Variants in PABPC4L observed in about 807,000 individuals in gnomAD.
PABPC4L encodes the protein poly(A) binding protein cytoplasmic 4 like.
For synonymous variants in PABPC4L, 169 were observed against 164.1 expected (o/e 1.03, Z -0.23); for missense variants, 452 against 451.4 (o/e 1.00, Z -0.01).
chr4:133,975,507 T>A, the PABPC4L span, among the ~76,000 whole-genome samples: 1 of 152,146 alleles, frequency 6.6e-6, no homozygotes, highest in Admixed American at 6.6e-5. Flanking sequence ...TCAATAAATT[T>A]GCTATAATAA....
chr4:134,138,618 T>C, the PABPC4L span, among the ~76,000 whole-genome samples: 1 of 151,794 alleles, frequency 6.6e-6, no homozygotes, highest in Non-Finnish European at 1.5e-5. Context: ...TTGTATGTAT[T>C]TTCCAGTGGC....
chr4:134,018,760 T>A, the PABPC4L span, among the ~76,000 whole-genome samples: 1 of 151,990 alleles, frequency 6.6e-6, no homozygotes, highest in East Asian at 1.9e-4. Flanking sequence ...TAAGAAAAAA[T>A]TTTCTCCATA....
At chr4:133,990,181 A>G in the PABPC4L span, among the ~76,000 whole-genome samples, 1 of 152,152 alleles carries the variant, frequency 6.6e-6, no homozygotes, top group African/African-American at 2.4e-5. Context: ...GATTTTTTAT[A>G]AAATAAAGTT....
the PABPC4L span, among the ~76,000 whole-genome samples, chr4:134,092,350 C>G: frequency 6.6e-6 from 1 of 151,968 alleles, no homozygotes; most frequent in Non-Finnish European, 1.5e-5. Context: ...GCTGGACATT[C>G]AGAGAGGAGT....
the PABPC4L span, among the ~76,000 whole-genome samples, chr4:133,960,328 G>A: frequency 1.3e-5 from 2 of 152,122 alleles, no homozygotes; most frequent in Non-Finnish European, 2.9e-5. Context: ...TGTCTGGCTT[G>A]CAGCACAAGA....
chr4:133,979,936 A>G, the PABPC4L span, among the ~76,000 whole-genome samples: 3 of 152,210 alleles, frequency 2.0e-5, no homozygotes, highest in Admixed American at 2.0e-4. Context: ...CCATTATTCA[A>G]GTGTTATATG....
the PABPC4L span, among the ~76,000 whole-genome samples, chr4:134,126,646 A>AT: frequency 6.6e-6 from 1 of 151,902 alleles, no homozygotes; most frequent in East Asian, 1.9e-4. Context: ...CCAAATTGTA[A>AT]TTTTTTATTT....
At chr4:134,189,567 A>ATG in the PABPC4L span, among the ~76,000 whole-genome samples, 1,006 of 151,502 alleles carry the variant, frequency 6.6e-3, 15 homozygotes, top group Admixed American at 0.012. Flanking sequence ...CACATATATA[A>ATG]TGTGTGTGTG....
the PABPC4L span, among the ~76,000 whole-genome samples, chr4:134,141,990 C>T: frequency 1.3e-5 from 2 of 151,502 alleles, no homozygotes; most frequent in African/African-American, 2.4e-5. Flanking sequence ...CGACTGCCTT[C>T]GTAAAAGCAA....
At chr4:134,002,760 C>G in the PABPC4L span, among the ~76,000 whole-genome samples, 1 of 151,912 alleles carries the variant, frequency 6.6e-6, no homozygotes, top group Non-Finnish European at 1.5e-5. Flanking sequence ...TGCAATTACA[C>G]AACAAGAGAA....
chr4:134,120,142 A>T, the PABPC4L span, among the ~76,000 whole-genome samples: 1 of 151,544 alleles, frequency 6.6e-6, no homozygotes, highest in Non-Finnish European at 1.5e-5. Context: ...ATAAACTATC[A>T]GTTAATACTG....
At position 134,200,652 on chromosome 4, in the gene PABPC4L, T is replaced by G. The variant is rs1308933344; in HGVS notation, c.368A>C (p.Lys123Thr). 2 of 1,551,560 alleles carry G rather than the reference T, an allele frequency of 1.3e-6. No homozygotes were observed. Among genetic ancestry groups the G allele is most frequent in the African/African-American group, 1.4e-5 (1 of 73,058 alleles). ...TLYEHFSAFGKILSSKVMSDD... is the reference protein window; with the variant it reads ...TLYEHFSAFGTILSSKVMSDD... The stretch of plus-strand genomic sequence containing the variant: ...ACTCATCACCTTGGAGGAAAGGATC[T>G]TTCCAAAAGCTGAAAAATGTTCATA... The change falls in exon 2 of 2, where the codon AAG (lysine) becomes ACG (threonine). Residue 123 changes from lysine (K) to threonine (T), a missense_variant. Lys to Thr is a moderately conservative substitution (Grantham distance 78, BLOSUM62 -1). Coordinates refer to ENST00000421491, the MANE Select transcript of PABPC4L (RefSeq NM_001114734.2).
At chr4:133,980,739 C>T in the PABPC4L span, among the ~76,000 whole-genome samples, 1 of 152,262 alleles carries the variant, frequency 6.6e-6, no homozygotes, top group East Asian at 1.9e-4. Flanking sequence ...AAATTTTCCA[C>T]TCTTATGAAG....
the PABPC4L span, among the ~76,000 whole-genome samples, chr4:134,006,299 T>C: frequency 6.6e-6 from 1 of 151,896 alleles, no homozygotes; most frequent in Non-Finnish European, 1.5e-5. Flanking sequence ...ATATATGTAG[T>C]TACATCACAT....
At chr4:134,037,263 CT>C in the PABPC4L span, among the ~76,000 whole-genome samples, 1 of 151,916 alleles carries the variant, frequency 6.6e-6, no homozygotes, top group Non-Finnish European at 1.5e-5. Context: ...GATATTGACC[CT>C]TTACATCCGT....
At chr4:133,961,151 A>G in the PABPC4L span, among the ~76,000 whole-genome samples, 46,339 of 151,946 alleles carry the variant, frequency 0.3, 10,892 homozygotes, top group African/African-American at 0.62. Flanking sequence ...AACCCTCACA[A>G]AGTCCATTTC....
chr4:134,008,537 A>T, the PABPC4L span, among the ~76,000 whole-genome samples: 4 of 151,784 alleles, frequency 2.6e-5, no homozygotes, highest in Non-Finnish European at 5.9e-5. Context: ...AAATTAAATT[A>T]TAGAAAGGGG....
chr4:134,006,112 GT>G, the PABPC4L span, among the ~76,000 whole-genome samples: 7 of 151,728 alleles, frequency 4.6e-5, no homozygotes, highest in Non-Finnish European at 7.4e-5. Flanking sequence ...TTCTTTTTAG[GT>G]CATGGGGATT....
At chr4:134,201,360 G>T (rs1223522710) in intron 1 of PABPC4L, 115 bp from the exon 2 acceptor site, 16 of 1,151,078 alleles carry the variant, frequency 1.4e-5, no homozygotes, top group Non-Finnish European at 1.5e-5. Context: ...CAGACGCCCT[G>T]GTCGCTGGTT....
Sources: allele counts gnomAD v4.1 joint callset (sites outside exome capture counted in the v4.1 genomes callset), GRCh38; gene constraint gnomAD v4.1.1; transcripts MANE v1.5; gene names NCBI Gene and HGNC (gene_info 2026-07-23, HGNC 2026-07-21).